Variants in ZNF605 observed in about 807,000 individuals in gnomAD.
The protein encoded by ZNF605 is zinc finger protein 605.
ZNF605 carries 9 observed loss-of-function variants against 7.9 expected under a neutral mutation model. The observed-to-expected ratio is 1.14, with a 90% confidence interval of 0.68 to 1.98. ZNF605 has a LOEUF of 1.98. Among genes scored for constraint, ZNF605 ranks in the 30% most tolerant of loss-of-function variants. ZNF605 has a pLI of 0.00. For synonymous variants in ZNF605, 255 were observed against 260.1 expected (o/e 0.98, Z 0.19); for missense variants, 673 against 762.4 (o/e 0.88, Z 1.38).
intron 2 of ZNF605, among the ~76,000 whole-genome samples, chr12:132,947,265 T>C (rs1952503740): frequency 6.6e-6 from 1 of 152,076 alleles, no homozygotes; most frequent in African/African-American, 2.4e-5. Context: ...TCCGCCCACC[T>C]CAGCCTCCCA....
chr12:132,926,451 C>A lies in ZNF605; in HGVS notation c.848G>T (p.Cys283Phe), dbSNP rs1430301842. 1.9e-6 allele frequency: 3 copies of A among 1,614,044 alleles called. No individual in the cohort carries two copies. The highest frequency in any genetic ancestry group is 2.5e-6 in the Non-Finnish European group (3 of 1,180,038). The change falls in exon 5 of 5, where the codon TGC becomes TTC. Residue 283 changes from cysteine (C) to phenylalanine (F), a missense_variant. Transcript: ENST00000360187. ...ITHTIEKPYS[C>F]SECGKAFSQK... ...GGAGAATGCTTTCCCACACTCACTGCAACTGTAGGGTTTCTCTATTGTGTG... is the reference window on the plus strand; with the variant it reads ...GGAGAATGCTTTCCCACACTCACTGAAACTGTAGGGTTTCTCTATTGTGTG...
At chr12:132,952,161 A>C (rs1185285362) in intron 1 of ZNF605, among the ~76,000 whole-genome samples, 1 of 151,998 alleles carries the variant, frequency 6.6e-6, no homozygotes, top group Non-Finnish European at 1.5e-5. Flanking sequence ...CGCTCAGAAG[A>C]AATTTTAACT....
At chr12:132,942,825 G>T (rs1952456578) in intron 3 of ZNF605, among the ~76,000 whole-genome samples, 1 of 152,214 alleles carries the variant, frequency 6.6e-6, no homozygotes, top group Non-Finnish European at 1.5e-5. Flanking sequence ...GGGCTGTGGG[G>T]CGTCTTTCCT....
At chr12:132,938,425 C>T (rs1380471301) in intron 3 of ZNF605, among the ~76,000 whole-genome samples, 2 of 152,234 alleles carry the variant, frequency 1.3e-5, no homozygotes, top group African/African-American at 2.4e-5. Context: ...CTCAGCCTCC[C>T]GAGTAGCTGG....
intron 3 of ZNF605, among the ~76,000 whole-genome samples, chr12:132,935,193 G>C (rs932728758): frequency 1.6e-4 from 25 of 152,164 alleles, no homozygotes; most frequent in Non-Finnish European, 3.5e-4. Flanking sequence ...ACAGGAAAAA[G>C]GAGGAAAGCT....
chr12:132,935,119 G>C lies in ZNF605; in HGVS notation c.16-1964C>G, dbSNP rs992859133. On this transcript the variant is annotated intron_variant, in intron 3 of 4. Coordinates refer to ENST00000360187, the MANE Select transcript of ZNF605 (RefSeq NM_183238.4). The stretch of plus-strand genomic sequence containing the variant: ...ACGTGGAAACCTAGAGAGGTAAGCA[G>C]AGGCCAGCCTTCAGCTGGACTCAAG... 1.4e-3 allele frequency among the ~76,000 whole-genome samples: 216 copies of C among 152,290 alleles called. 2 individuals carry two copies. The highest frequency in any genetic ancestry group is 5.1e-3 in the African/African-American group (211 of 41,570).
At position 132,933,379 on chromosome 12, in the gene ZNF605, T is replaced by C. The variant is rs1371682094; in HGVS notation, c.16-224A>G. On this transcript the variant is annotated intron_variant, in intron 3 of 4. Transcript: ENST00000360187. The surrounding 1 kb of genome is among the most constrained non-coding windows in gnomAD (Gnocchi z 4.4). The stretch of plus-strand genomic sequence containing the variant: ...CATGATGAGATGCCACTTCCAAGAC[T>C]AGGTTAGAAAGAAATGCAACTTCTA... 6.6e-6 allele frequency among the ~76,000 whole-genome samples: 1 copy of C among 152,186 alleles called. No homozygotes were observed. Among genetic ancestry groups the C allele is most frequent in the Admixed American group, 6.5e-5 (1 of 15,272 alleles).
intron 4 of ZNF605, among the ~76,000 whole-genome samples, chr12:132,930,969 C>T (rs113619245): frequency 0.026 from 3,886 of 152,222 alleles, 163 homozygotes; most frequent in African/African-American, 0.088. Context: ...ATCACTTGAA[C>T]CCAGAGTTTG....
chr12:132,941,862 G>A lies in ZNF605; in HGVS notation c.15+3759C>T, dbSNP rs1952446701. On this transcript the variant is annotated intron_variant, in intron 3 of 4. Coordinates refer to ENST00000360187, the MANE Select transcript of ZNF605 (RefSeq NM_183238.4). This position sits in a 1 kb window ranked among gnomAD's most constrained non-coding sequence, Gnocchi z 5.1. ...ATCACGCGTCCTTCTTCTCCAGGCTGCCCTCCATCACGCACTCTTCTTCTC... is the reference window on the plus strand; with the variant it reads ...ATCACGCGTCCTTCTTCTCCAGGCTACCCTCCATCACGCACTCTTCTTCTC... Among the ~76,000 whole-genome samples the A allele has an allele frequency of 6.6e-6, 1 of 152,078 alleles. No individual in the cohort carries two copies. The highest frequency in any genetic ancestry group is 2.4e-5 in the African/African-American group (1 of 41,390).
chr12:132,940,486 C>T (rs1169628060), intron 3 of ZNF605, among the ~76,000 whole-genome samples: 1 of 152,138 alleles, frequency 6.6e-6, no homozygotes, highest in African/African-American at 2.4e-5. Context: ...ACTGTGGATG[C>T]TACAGGACTA....
At position 132,922,681 on chromosome 12, in the gene ZNF605, C is replaced by A. The variant is rs1257793708; in HGVS notation, c.*2692G>T. ...AAATATGTGTTCACAATTAAAGACA[C>A]CCAACCAGTGGGTTGGGGAAGCACC... On this transcript the variant is annotated 3_prime_UTR_variant, in exon 5 of 5. Transcript: ENST00000360187. 6.6e-6 allele frequency: 1 copy of A among 152,126 alleles called. No homozygotes were observed. The highest frequency in any genetic ancestry group is 1.5e-5 in the Non-Finnish European group (1 of 68,028). The allele number at this position is 152,126 out of a possible 1,614,324, so 9.4% of individuals were successfully genotyped here.
At chr12:132,951,321 TACAC>T (rs1434950644) in intron 1 of ZNF605, among the ~76,000 whole-genome samples, 179 of 148,934 alleles carry the variant, frequency 1.2e-3, no homozygotes, top group African/African-American at 4.3e-3. Context: ...CACACACTGA[TACAC>T]ACGTACATCA....
At position 132,924,995 on chromosome 12, in the gene ZNF605, T is replaced by C. The variant is rs762079820; in HGVS notation, c.*378A>G. 8 of 173,980 alleles carry C rather than the reference T, an allele frequency of 4.6e-5. No individual in the cohort carries two copies. The highest frequency in any genetic ancestry group is 9.7e-5 in the Non-Finnish European group (8 of 82,532). The allele number at this position is 173,980 out of a possible 1,614,324, so 10.8% of individuals were successfully genotyped here. A position where few individuals can be genotyped will look rare whatever the true frequency, so the allele number is the denominator to read the frequency against. ...GTAGGTATTATTCTCAAGTGTACAGTGAGTTGTCCTTTCTTGAAATCTTCC... is the reference window on the plus strand; with the variant it reads ...GTAGGTATTATTCTCAAGTGTACAGCGAGTTGTCCTTTCTTGAAATCTTCC... On this transcript the variant is annotated 3_prime_UTR_variant, in exon 5 of 5. Coordinates refer to ENST00000360187, the MANE Select transcript of ZNF605 (RefSeq NM_183238.4).
chr12:132,930,726 A>G (rs1952299628), intron 4 of ZNF605, among the ~76,000 whole-genome samples: 1 of 152,214 alleles, frequency 6.6e-6, no homozygotes, highest in South Asian at 2.1e-4. Context: ...AATTCCTCTC[A>G]TTCCACATGA....
At position 132,935,683 on chromosome 12, in the gene ZNF605, G is replaced by A. The variant is rs925515403; in HGVS notation, c.16-2528C>T. ...CGAGGCAGGTGGATCACGAGGTAAG[G>A]AGATCGAGACCATCCTGGCTAACAT... On this transcript the variant is annotated intron_variant, in intron 3 of 4. Coordinates refer to ENST00000360187, the MANE Select transcript of ZNF605 (RefSeq NM_183238.4). 2.3e-3 allele frequency among the ~76,000 whole-genome samples: 356 copies of A among 152,082 alleles called. 2 individuals are homozygous for A. The highest frequency in any genetic ancestry group is 8.3e-3 in the African/African-American group (345 of 41,492).
At chr12:132,938,201 C>T (rs1294985041) in intron 3 of ZNF605, among the ~76,000 whole-genome samples, 1 of 152,142 alleles carries the variant, frequency 6.6e-6, no homozygotes, top group East Asian at 1.9e-4. Context: ...TGGATGATCT[C>T]AATCTCCTGA....
chr12:132,938,374 C>T lies in ZNF605; in HGVS notation c.16-5219G>A, dbSNP rs373615103. On this transcript the variant is annotated intron_variant, in intron 3 of 4. Coordinates refer to ENST00000360187, the MANE Select transcript of ZNF605 (RefSeq NM_183238.4). ...GGGGTGAAGTGGCACGATCTCGACT[C>T]ACTGCAACCTCTGCCTCCTGGGTTC... 8.4e-3 allele frequency among the ~76,000 whole-genome samples: 1,274 copies of T among 152,134 alleles called. 7 individuals carry two copies. The highest frequency in any genetic ancestry group is 0.013 in the South Asian group (61 of 4,822).
chr12:132,927,297 C>T, intron 4 of ZNF605, 135 bp from the exon 5 acceptor site: 1 of 538,096 alleles, frequency 1.9e-6, no homozygotes, highest in Non-Finnish European at 3.0e-6. Context: ...TGGGCATTGA[C>T]AATTTTAACA....
At chr12:132,936,224 T>A (rs1952365467) in intron 3 of ZNF605, among the ~76,000 whole-genome samples, 1 of 151,290 alleles carries the variant, frequency 6.6e-6, no homozygotes, top group Non-Finnish European at 1.5e-5. Flanking sequence ...ATAAGCAGAT[T>A]TGAAAAAAAT....
Sources: gnomAD v4.1 joint callset for allele counts (sites outside exome capture counted in the v4.1 genomes callset) on GRCh38, gnomAD v4.1.1 for gene constraint, Gnocchi (gnomAD v3.1) non-coding constraint, MANE v1.5 for transcripts, NCBI Gene and HGNC (gene_info 2026-07-23, HGNC 2026-07-21) for gene names.